The following TRAF2 variants were observed in gnomAD, a reference collection of about 807,000 sequenced individuals.
TRAF2 encodes TNF receptor associated factor 2, also known as TNF receptor-associated factor 2.
TRAF2 carries 6 observed loss-of-function variants against 55.6 expected under a neutral mutation model. The observed-to-expected ratio is 0.11, with a 90% confidence interval of 0.06 to 0.21. The LOEUF (loss-of-function observed/expected upper bound fraction) is 0.21, where lower values mean the gene tolerates loss of function less well. TRAF2 is among the 10% of genes least tolerant of loss of function. The pLI is 1.00. For missense variants in TRAF2, 561 were observed against 684.5 expected, an observed-to-expected ratio of 0.82 and a Z score of 2.01; for synonymous variants, 329 against 276.3, an observed-to-expected ratio of 1.19 and a Z score of -1.89.
intron 1 of TRAF2, among the ~76,000 whole-genome samples, chr9:136,887,154 G>A (rs542321133): frequency 2.9e-4 from 44 of 152,224 alleles, no homozygotes; most frequent in Non-Finnish European, 5.4e-4. Context: ...TGCTGGGAGG[G>A]TCGGGGGCAG....
intron 4 of TRAF2, among the ~76,000 whole-genome samples, chr9:136,907,404 C>G (rs576619603): frequency 5.9e-5 from 9 of 152,370 alleles, no homozygotes; most frequent in Admixed American, 5.9e-4. Context: ...GTGTAGGTGC[C>G]TGAGTGACCT....
intron 1 of TRAF2, 132 bp from the exon 2 acceptor site, chr9:136,898,579 TTC>T: frequency 6.9e-7 from 1 of 1,455,374 alleles, no homozygotes; most frequent in African/African-American, 1.4e-5. Context: ...GCGATTCTGC[TTC>T]TCTGAGTCTT....
upstream of TRAF2, chr9:136,882,530 C>G (rs1193611442): frequency 3.2e-6 from 1 of 309,448 alleles, no homozygotes; most frequent in South Asian, 1.3e-4. Context: ...AACTGCTGCC[C>G]TCCTTCCTGC....
intron 9 of TRAF2, chr9:136,922,570 G>A (rs1442107043): frequency 6.4e-6 from 1 of 157,192 alleles, no homozygotes; most frequent in Non-Finnish European, 1.4e-5. Flanking sequence ...CACGCGTGCA[G>A]GCTGAGGACA....
intron 1 of TRAF2, chr9:136,890,264 CTG>C (rs1360734607): frequency 6.6e-6 from 1 of 152,244 alleles, no homozygotes; most frequent in African/African-American, 2.4e-5. Context: ...TTGTTTTTAG[CTG>C]ACTTAGCTGA....
At chr9:136,900,768 C>A (rs1356782230) in intron 4 of TRAF2, 4 of 474,346 alleles carry the variant, frequency 8.4e-6, no homozygotes, top group East Asian at 4.3e-5. Context: ...TTTACCCTCT[C>A]TGTGCCTCAG....
rs71492143 is a variant in TRAF2 at position 136,911,846 on chromosome 9, C to CTTTTTTTTTTTT, written c.603+1862_603+1873dup. 1.7e-3 allele frequency among the ~76,000 whole-genome samples: 119 copies of CTTTTTTTTTTTT among 71,440 alleles called. 11 individuals carry two copies. The highest frequency in any genetic ancestry group is 2.0e-3 in the Non-Finnish European group (82 of 41,466). 46.9% of individuals were successfully genotyped at this position (71,440 alleles called of 152,430 possible). A position where few individuals can be genotyped will look rare whatever the true frequency, so the allele number is the denominator to read the frequency against. ...GCGTGCTTGGGATTTTCTCTTATCT[C>CTTTTTTTTTTTT]TTTTTTTTTTTTTTTTTTTTTGAGA... On this transcript the variant is annotated intron_variant, in intron 6 of 10. Coordinates refer to ENST00000247668, the MANE Select transcript of TRAF2 (RefSeq NM_021138.4).
chr9:136,912,150 CCCTTT>C (rs1850127057), intron 6 of TRAF2, among the ~76,000 whole-genome samples: 3 of 125,072 alleles, frequency 2.4e-5, no homozygotes, highest in African/African-American at 1.0e-4. Context: ...CTGCGTCTGG[CCCTTT>C]TTTTTTTTTT....
At chr9:136,916,642 GC>G (rs778249394) in intron 7 of TRAF2, 27 bp downstream of exon 7, 1 of 1,609,510 alleles carries the variant, frequency 6.2e-7, no homozygotes, top group Non-Finnish European at 8.5e-7. Context: ...GAGGTTGGGG[GC>G]CACCCCTCAT....
chr9:136,915,855 C>G (rs568782066), intron 6 of TRAF2, among the ~76,000 whole-genome samples: 1 of 152,138 alleles, frequency 6.6e-6, no homozygotes, highest in East Asian at 1.9e-4. Flanking sequence ...GAAACTGATT[C>G]ACAGTTACGG....
In TRAF2 at chr9:136,921,508, A is replaced by C. The variant is rs7048209; in HGVS notation, c.1138+293A>C. ...CCCACAGCCTGGTCCTCTGGCACACAGCCCTAAAGCAGACATTACATCAAC... is the reference window on the plus strand; with the variant it reads ...CCCACAGCCTGGTCCTCTGGCACACCGCCCTAAAGCAGACATTACATCAAC... On this transcript the variant is annotated intron_variant, in intron 9 of 10. Coordinates refer to ENST00000247668, the MANE Select transcript of TRAF2 (RefSeq NM_021138.4). Among the ~76,000 whole-genome samples, 441 of 151,934 alleles carry C rather than the reference A, an allele frequency of 2.9e-3. 4 individuals carry two copies. The highest frequency in any genetic ancestry group is 9.9e-3 in the African/African-American group (411 of 41,482).
chr9:136,886,255 G>A (rs1849443639), upstream of TRAF2: 2 of 327,936 alleles, frequency 6.1e-6, no homozygotes, highest in Middle Eastern at 1.5e-3. Context: ...CGCGCTCTTT[G>A]AGGAAAAAGC....
chr9:136,906,257 TA>T (rs1192088905), intron 4 of TRAF2, among the ~76,000 whole-genome samples: 1 of 152,180 alleles, frequency 6.6e-6, no homozygotes, highest in Non-Finnish European at 1.5e-5. Flanking sequence ...CCAGCCTAGG[TA>T]ACTGTATCAG....
chr9:136,889,853 A>G (rs1406182333), intron 1 of TRAF2: 1 of 151,672 alleles, frequency 6.6e-6, no homozygotes, highest in Admixed American at 6.6e-5. Flanking sequence ...CGGTCACTAC[A>G]TTTGTGACAG....
rs141666023 is a variant in TRAF2 at position 136,894,480 on chromosome 9, A to G, written c.-28-4233A>G. ...TCCTGGGCGCAGGCTTCTTAGGCCC[A>G]CCTCAGGGTTGCCAAGGGGCAGGTG... On this transcript the variant is annotated intron_variant, in intron 1 of 10. Coordinates refer to ENST00000247668, the MANE Select transcript of TRAF2 (RefSeq NM_021138.4). Among the ~76,000 whole-genome samples the G allele has an allele frequency of 4.3e-3, 650 of 152,226 alleles. 4 individuals are homozygous for G. The highest frequency in any genetic ancestry group is 0.015 in the African/African-American group (624 of 41,512).
chr9:136,915,293 G>A (rs941088757), intron 6 of TRAF2, among the ~76,000 whole-genome samples: 4 of 152,158 alleles, frequency 2.6e-5, no homozygotes, highest in East Asian at 1.9e-4. Context: ...CGTCCGCAGC[G>A]CCGTGCGGTC....
upstream of TRAF2, among the ~76,000 whole-genome samples, chr9:136,884,112 C>A (rs989317067): frequency 6.6e-6 from 1 of 151,630 alleles, no homozygotes; most frequent in Non-Finnish European, 1.5e-5. Flanking sequence ...CCGCGCCCGG[C>A]CTTTTGTATT....
intron 7 of TRAF2, among the ~76,000 whole-genome samples, chr9:136,919,885 T>G (rs1452738252): frequency 6.6e-6 from 1 of 152,032 alleles, no homozygotes; most frequent in African/African-American, 2.4e-5. Flanking sequence ...CCAGCTAATT[T>G]TTAAAAATTT....
chr9:136,885,704 G>C (rs1849431552), upstream of TRAF2, among the ~76,000 whole-genome samples: 2 of 152,050 alleles, frequency 1.3e-5, no homozygotes, highest in Admixed American at 6.6e-5. Context: ...GGAGGCGGAG[G>C]TTGCAGTGAG....
Sources: gnomAD v4.1 joint callset for allele counts (sites outside exome capture counted in the v4.1 genomes callset) on GRCh38, gnomAD v4.1.1 for gene constraint, MANE v1.5 for transcripts, NCBI Gene and HGNC (gene_info 2026-07-23, HGNC 2026-07-21) for gene names.